Variants in SDK2 observed in about 807,000 individuals in gnomAD.
SDK2 encodes sidekick cell adhesion molecule 2.
In SDK2, 105 loss-of-function variants were observed where a neutral mutation model predicts 253.9. The ratio of observed to expected loss-of-function variants is 0.41; its 90% CI spans 0.35 to 0.49. The LOEUF (loss-of-function observed/expected upper bound fraction) is 0.49, where lower values mean the gene tolerates loss of function less well. SDK2 is among the 20% of genes least tolerant of loss of function. The probability of loss-of-function intolerance (pLI) is 0.06; values close to 1 mark genes in which losing one functional copy is unlikely to be tolerated. For synonymous variants in SDK2, 1,249 were observed against 1,234.9 expected (o/e 1.01, Z -0.24); for missense variants, 2,608 against 3,003.0 (o/e 0.87, Z 3.07).
At chr17:73,468,681 T>A (rs2063621417) in intron 3 of SDK2, among the ~76,000 whole-genome samples, 1 of 147,988 alleles carries the variant, frequency 6.8e-6, no homozygotes, top group Non-Finnish European at 1.5e-5. Flanking sequence ...CTGGCTAATT[T>A]TTTTTTTAAT....
Position 73,393,749 on chromosome 17 carries a change from C to T in SDK2, c.3709G>A (p.Val1237Met), listed in dbSNP as rs757398922. Residue 1237 changes from valine (V) to methionine (M), a missense_variant and splice_region_variant, in exon 27 of 45, where the codon GTG becomes ATG. By Grantham distance (21) the Val-to-Met change is conservative. Transcript: ENST00000392650. ...DRNGLVLGYK[V>M]MYKEKDSDTQ... ...TCCGAGTCCTTCTCCTTATACATCA[C>T]CTGTCAGGGCCCAGCACAGGGTGAG... is the stretch of plus-strand genomic sequence containing the variant. 2.6e-6 allele frequency: 4 copies of T among 1,563,256 alleles called. No homozygotes were observed. In the Admixed American group the frequency reaches 6.9e-5, roughly 27 times the overall value.
chr17:73,512,568 C>A (rs2145770520), intron 1 of SDK2, among the ~76,000 whole-genome samples: 1 of 152,190 alleles, frequency 6.6e-6, no homozygotes, highest in South Asian at 2.1e-4. Flanking sequence ...CACACACACA[C>A]ACACATACAC....
At chr17:73,601,804 C>T (rs1005442612) in intron 1 of SDK2, among the ~76,000 whole-genome samples, 4 of 151,894 alleles carry the variant, frequency 2.6e-5, no homozygotes, top group Admixed American at 1.3e-4. Flanking sequence ...AGTGCAGTGG[C>T]GCCATTTTGG....
At chr17:73,400,932 G>T (rs776982548) in intron 21 of SDK2, 88 bp downstream of exon 21, 1 of 1,315,430 alleles carries the variant, frequency 7.6e-7, no homozygotes, top group Non-Finnish European at 1.0e-6. Flanking sequence ...ACAGGCATGA[G>T]CCACCACGCC....
intron 1 of SDK2, among the ~76,000 whole-genome samples, chr17:73,554,024 G>C (rs2045105701): frequency 6.6e-6 from 1 of 152,170 alleles, no homozygotes; most frequent in Admixed American, 6.5e-5. Flanking sequence ...GGCTCACAGG[G>C]AGAGGGGTTT....
intron 32 of SDK2, 70 bp downstream of exon 32, chr17:73,385,777 G>T (rs1172676524): frequency 2.1e-6 from 3 of 1,424,988 alleles, no homozygotes; most frequent in Non-Finnish European, 2.9e-6. Context: ...GGTGGGGACT[G>T]CTGGCTTTCC....
Position 73,394,224 on chromosome 17 carries a change from G to C in SDK2, c.3693C>G (p.Leu1231=), listed in dbSNP as rs142553153. ...CGGGACTCACCTTATAGCCCAGCAC[G>C]AGCCCGTTGCGATCAGCCTCGGGGA... ...SEVPEADRNG[L]VLGYKVMYKE... is the part of the protein sequence containing the mutation. The change falls in exon 26 of 45, where the codon CTC becomes CTG. Residue 1231 remains leucine, a synonymous_variant. Coordinates refer to ENST00000392650, the MANE Select transcript of SDK2 (RefSeq NM_001144952.2). The C allele has an allele frequency of 1.6e-4, 257 of 1,582,046 alleles. No homozygotes were observed. The African/African-American group carries it at 3.1e-3, about 19-fold the overall frequency.
intron 5 of SDK2, among the ~76,000 whole-genome samples, chr17:73,445,496 C>T (rs1263289673): frequency 1.3e-5 from 2 of 152,132 alleles, no homozygotes; most frequent in Non-Finnish European, 2.9e-5. Flanking sequence ...CTGGGGTCAC[C>T]AGACTTGCTC....
chr17:73,634,188 G>A (rs1178830779), intron 1 of SDK2, among the ~76,000 whole-genome samples: 1 of 152,136 alleles, frequency 6.6e-6, no homozygotes, highest in African/African-American at 2.4e-5. Context: ...CTCCTCCTGT[G>A]CCCACCCAAG....
At position 73,435,956 on chromosome 17, in the gene SDK2, G is replaced by T. The variant is rs1318592323; in HGVS notation, c.1001-312C>A. On this transcript the variant is annotated intron_variant, in intron 8 of 44. Coordinates refer to ENST00000392650, the MANE Select transcript of SDK2 (RefSeq NM_001144952.2). This position sits in a 1 kb window ranked among gnomAD's most constrained non-coding sequence, Gnocchi z 5.7. Reference sequence around the variant, plus strand: ...TTGTGTAGAGATGGAGTCTTGCTAGGTTGCCCAGGGTGGTCTAGAACTCTT... The same window carrying T: ...TTGTGTAGAGATGGAGTCTTGCTAGTTTGCCCAGGGTGGTCTAGAACTCTT... 6.6e-6 allele frequency among the ~76,000 whole-genome samples: 1 copy of T among 152,010 alleles called. No individual in the cohort carries two copies. The highest frequency in any genetic ancestry group is 2.4e-5 in the African/African-American group (1 of 41,368).
intron 28 of SDK2, 85 bp from the exon 29 acceptor site, chr17:73,390,566 A>T (rs1200615750): frequency 2.9e-6 from 4 of 1,381,234 alleles, no homozygotes; most frequent in Non-Finnish European, 3.9e-6. Flanking sequence ...GTCCAAAGCC[A>T]CAGCTGTGTC....
In SDK2 at chr17:73,383,225, A is replaced by T. The variant is rs148576899; in HGVS notation, c.4705+651T>A. ...ATCCTCCCACCATGGCCAAGCCATCATCCTCATGCCACCAAAGTGGCTCCT... is the reference window on the plus strand; with the variant it reads ...ATCCTCCCACCATGGCCAAGCCATCTTCCTCATGCCACCAAAGTGGCTCCT... On this transcript the variant is annotated intron_variant, in intron 33 of 44. Coordinates refer to ENST00000392650, the MANE Select transcript of SDK2 (RefSeq NM_001144952.2). This position sits in a 1 kb window ranked among gnomAD's most constrained non-coding sequence, Gnocchi z 4.3. 1.9e-4 allele frequency among the ~76,000 whole-genome samples: 29 copies of T among 152,272 alleles called. No individual in the cohort carries two copies. The East Asian group carries it at 4.3e-3, about 22-fold the overall frequency.
intron 1 of SDK2, among the ~76,000 whole-genome samples, chr17:73,632,001 G>C (rs914363495): frequency 1.3e-5 from 2 of 152,184 alleles, no homozygotes; most frequent in Non-Finnish European, 2.9e-5. Flanking sequence ...TAATGGTTTG[G>C]AGCAGTTTGG....
At chr17:73,430,487 T>C (rs1568400932) in intron 12 of SDK2, 24 bp downstream of exon 12, 9 of 1,562,934 alleles carry the variant, frequency 5.8e-6, no homozygotes, top group Non-Finnish European at 7.9e-6. Context: ...CCCTCTTGCC[T>C]GGAGTCAACA....
rs576738293 is a variant in SDK2 at position 73,520,333 on chromosome 17, C to T, written c.65-12736G>A. On this transcript the variant is annotated intron_variant, in intron 1 of 44. Coordinates refer to ENST00000392650, the MANE Select transcript of SDK2 (RefSeq NM_001144952.2). Reference sequence around the variant, plus strand: ...CAGAGAACCCACGAGGTCTGGTGGCCCACTGCCCCTTGCTGGACCAAGGTC... The same window carrying T: ...CAGAGAACCCACGAGGTCTGGTGGCTCACTGCCCCTTGCTGGACCAAGGTC... 7 of 152,400 alleles carry T rather than the reference C, an allele frequency of 4.6e-5. No individual in the cohort carries two copies. The East Asian group carries it at 1.4e-3, about 29-fold the overall frequency. The allele number at this position is 152,400 out of a possible 1,614,324, so 9.4% of individuals were successfully genotyped here. A position where few individuals can be genotyped will look rare whatever the true frequency, so the allele number is the denominator to read the frequency against.
At chr17:73,384,410 G>T (rs983108173) in intron 32 of SDK2, among the ~76,000 whole-genome samples, 1 of 152,106 alleles carries the variant, frequency 6.6e-6, no homozygotes, top group African/African-American at 2.4e-5. Flanking sequence ...AGGCCTGCTG[G>T]TCCCTGCCTT....
At chr17:73,460,401 C>G (rs2063555735) in intron 3 of SDK2, among the ~76,000 whole-genome samples, 1 of 152,172 alleles carries the variant, frequency 6.6e-6, no homozygotes, top group South Asian at 2.1e-4. Context: ...GTCAAGCTGC[C>G]CTTGCTATTC....
intron 1 of SDK2, among the ~76,000 whole-genome samples, chr17:73,508,727 T>C (rs1321283131): frequency 6.6e-6 from 1 of 152,130 alleles, no homozygotes; most frequent in Non-Finnish European, 1.5e-5. Flanking sequence ...GTCACACAAC[T>C]GGGCGGGAGG....
In SDK2 at chr17:73,643,559, C is replaced by G. The variant is rs2046424928; in HGVS notation, c.64+466G>C. On this transcript the variant is annotated intron_variant, in intron 1 of 44. Transcript: ENST00000392650. This position sits in a 1 kb window ranked among gnomAD's most constrained non-coding sequence, Gnocchi z 6.9. ...GAGCAACCCGGCATCCAGCGCTCGC[C>G]CACCCCACTCCCTCGCCCCGGGGAG... Among the ~76,000 whole-genome samples, 1 of 152,122 alleles carries G rather than the reference C, an allele frequency of 6.6e-6. No individual in the cohort carries two copies. Among genetic ancestry groups the G allele is most frequent in the East Asian group, 1.9e-4 (1 of 5,156 alleles).
Sources: gnomAD v4.1 joint callset for allele counts (sites outside exome capture counted in the v4.1 genomes callset) on GRCh38, gnomAD v4.1.1 for gene constraint, Gnocchi (gnomAD v3.1) non-coding constraint, MANE v1.5 for transcripts, NCBI Gene and HGNC (gene_info 2026-07-23, HGNC 2026-07-21) for gene names.